ERC2: variants seen among roughly 807,000 people sequenced by gnomAD.
ERC2 encodes ERC protein 2.
A neutral mutation model predicts 114.8 loss-of-function variants in ERC2; 42 were observed. The ratio of observed to expected loss-of-function variants is 0.37; its 90% CI spans 0.29 to 0.47. ERC2 has a LOEUF of 0.47. ERC2 is among the 20% of genes least tolerant of loss of function. The pLI is 0.99. For synonymous variants in ERC2, 454 were observed against 425.5 expected (o/e 1.07, Z -0.82); for missense variants, 939 against 1,150.7 (o/e 0.82, Z 2.66).
intron 12 of ERC2, among the ~76,000 whole-genome samples, chr3:55,962,348 GT>G (rs1436695772): frequency 6.6e-6 from 1 of 152,214 alleles, no homozygotes; most frequent in Non-Finnish European, 1.5e-5. Context: ...TATGGCCTCT[GT>G]CAAAACTACT....
intron 3 of ERC2, among the ~76,000 whole-genome samples, chr3:56,210,981 C>A (rs1257462641): frequency 2.0e-5 from 3 of 152,112 alleles, no homozygotes; most frequent in African/African-American, 7.2e-5. Context: ...AAAGTTGGTT[C>A]TTAGGGGATG....
intron 6 of ERC2, among the ~76,000 whole-genome samples, chr3:56,103,605 T>C (rs1221138499): frequency 6.6e-6 from 1 of 151,992 alleles, no homozygotes; most frequent in East Asian, 1.9e-4. Flanking sequence ...GTGGTCACAA[T>C]AGGGAGGCAG....
chr3:55,991,994 G>A (rs1180844916), intron 11 of ERC2, 63 bp downstream of exon 11: 9 of 1,463,132 alleles, frequency 6.2e-6, no homozygotes, highest in Admixed American at 1.8e-5. Flanking sequence ...CACAACCGGA[G>A]ATGGGCAACC....
intron 17 of ERC2, among the ~76,000 whole-genome samples, chr3:55,683,315 A>G (rs1023800852): frequency 1.3e-5 from 2 of 152,202 alleles, no homozygotes; most frequent in Non-Finnish European, 2.9e-5. Flanking sequence ...TAGAGATGAT[A>G]GTTTCAGCTC....
chr3:55,714,699 A>ATG (rs1559539286), intron 15 of ERC2, among the ~76,000 whole-genome samples: 2 of 117,940 alleles, frequency 1.7e-5, no homozygotes, highest in Admixed American at 9.3e-5. Context: ...ATATATATAT[A>ATG]TATATATATA....
At chr3:55,847,000 G>C (rs137865359) in intron 14 of ERC2, among the ~76,000 whole-genome samples, 1 of 152,310 alleles carries the variant, frequency 6.6e-6, no homozygotes, top group African/African-American at 2.4e-5. Flanking sequence ...CAGAAACCAT[G>C]AAGAAATGAT....
chr3:56,294,363 A>G lies in ERC2; in HGVS notation c.1074+1656T>C, dbSNP rs113409090. Among the ~76,000 whole-genome samples, 502 of 152,368 alleles carry G rather than the reference A, an allele frequency of 3.3e-3. 1 individual carries two copies. The highest frequency in any genetic ancestry group is 0.011 in the African/African-American group (451 of 41,588). On this transcript the variant is annotated intron_variant, in intron 3 of 17. Coordinates refer to ENST00000288221, the MANE Select transcript of ERC2 (RefSeq NM_015576.3). ...TGTTTCACAGTCTCTCACAGCCTGCAATCAAGATGTCATCCCAGGACCTGT... is the reference window on the plus strand; with the variant it reads ...TGTTTCACAGTCTCTCACAGCCTGCGATCAAGATGTCATCCCAGGACCTGT...
intron 2 of ERC2, among the ~76,000 whole-genome samples, chr3:56,360,436 T>C (rs1025188255): frequency 2.6e-5 from 4 of 152,170 alleles, no homozygotes; most frequent in African/African-American, 9.7e-5. Flanking sequence ...AAGGAGCATA[T>C]TGTCTAATGG....
intron 17 of ERC2, among the ~76,000 whole-genome samples, chr3:55,592,824 T>C (rs540922519): frequency 6.6e-6 from 1 of 152,306 alleles, no homozygotes; most frequent in African/African-American, 2.4e-5. Context: ...TGAAAGTATC[T>C]CCCTTCACCT....
chr3:55,950,445 C>T lies in ERC2; in HGVS notation c.2383G>A (p.Asp795Asn), dbSNP rs367929425. The T allele has an allele frequency of 6.2e-7, 1 of 1,613,900 alleles. No homozygotes were observed. Among genetic ancestry groups the T allele is most frequent in the Non-Finnish European group, 8.5e-7 (1 of 1,179,884 alleles). ...EVRRREDSMA[D>N]NSQHLQIEEL... ...CTTACCTGCAAATGCTGTGAGTTGT[C>T]AGCCATGCTGTCTTCTCGCCTGCGC... Residue 795 changes from aspartate (D) to asparagine (N), a missense_variant, in exon 13 of 18, where the codon GAC becomes AAC. By Grantham distance (23) the Asp-to-Asn change is conservative. This residue lies in a region of ERC2 where 328 missense variants were observed against 353.9 expected (regional missense o/e 0.93). Transcript: ENST00000288221.
intron 2 of ERC2, among the ~76,000 whole-genome samples, chr3:56,315,365 A>C (rs1292479555): frequency 6.6e-6 from 1 of 152,230 alleles, no homozygotes; most frequent in Non-Finnish European, 1.5e-5. Flanking sequence ...GAGTAAGTCA[A>C]AGCAAAAACC....
At chr3:56,112,089 C>T (rs577442542) in intron 6 of ERC2, among the ~76,000 whole-genome samples, 6 of 152,208 alleles carry the variant, frequency 3.9e-5, no homozygotes, top group Non-Finnish European at 5.9e-5. Flanking sequence ...AAGGCAAATG[C>T]TTTTTAGATG....
At chr3:56,221,317 A>G (rs2049893818) in intron 3 of ERC2, among the ~76,000 whole-genome samples, 1 of 152,072 alleles carries the variant, frequency 6.6e-6, no homozygotes, top group Non-Finnish European at 1.5e-5. Context: ...ATTGAATTCA[A>G]ACAATGTTAT....
At chr3:55,865,816 T>C (rs1409757608) in intron 14 of ERC2, among the ~76,000 whole-genome samples, 1 of 152,204 alleles carries the variant, frequency 6.6e-6, no homozygotes, top group African/African-American at 2.4e-5. Flanking sequence ...TAATAGTGCA[T>C]TGTATGGATG....
intron 12 of ERC2, among the ~76,000 whole-genome samples, chr3:55,973,301 C>A (rs2069317998): frequency 6.6e-6 from 1 of 152,162 alleles, no homozygotes; most frequent in Non-Finnish European, 1.5e-5. Flanking sequence ...GAGCTACAGG[C>A]CACTTAGAGT....
At chr3:56,298,096 ACAAAGTT>A (rs2150361565) in intron 2 of ERC2, among the ~76,000 whole-genome samples, 1 of 152,350 alleles carries the variant, frequency 6.6e-6, no homozygotes, top group African/African-American at 2.4e-5. Context: ...AGTGTAACAT[ACAAAGTT>A]GTACAACCAT....
Position 55,550,759 on chromosome 3 carries a change from A to G in ERC2, c.*40-39483T>C, listed in dbSNP as rs111981944. Among the ~76,000 whole-genome samples the G allele has an allele frequency of 7.1e-3, 1,087 of 152,204 alleles. 6 individuals carry two copies. The highest frequency in any genetic ancestry group is 0.024 in the East Asian group (125 of 5,146). On this transcript the variant is annotated intron_variant, in intron 17 of 17. Transcript: ENST00000288221. ...GGGCCGGGCGCAGTGGCTCACGCCT[A>G]TAATCCCAGCACTTTGGGAGGCCAA...
intron 14 of ERC2, among the ~76,000 whole-genome samples, chr3:55,866,730 A>G (rs2062334975): frequency 6.6e-6 from 1 of 152,166 alleles, no homozygotes; most frequent in Non-Finnish European, 1.5e-5. Context: ...ATTACCAATA[A>G]TGTCTTCCTT....
Position 56,140,876 on chromosome 3 carries a change from T to C in ERC2, c.1306-1200A>G, listed in dbSNP as rs1457719486. 2.0e-5 allele frequency among the ~76,000 whole-genome samples: 3 copies of C among 151,914 alleles called. 1 individual carries two copies. The highest frequency in any genetic ancestry group is 7.3e-5 in the African/African-American group (3 of 41,354). The stretch of plus-strand genomic sequence containing the variant: ...CCCTCTCCACTAAAAATACAAAAAT[T>C]AGCCAGCTGTGGTGGCAGGCACCTG... On this transcript the variant is annotated intron_variant, in intron 5 of 17. Coordinates refer to ENST00000288221, the MANE Select transcript of ERC2 (RefSeq NM_015576.3).
Sources: allele counts gnomAD v4.1 joint callset (sites outside exome capture counted in the v4.1 genomes callset), GRCh38; gene constraint gnomAD v4.1.1; regional missense constraint gnomAD v4.1.1; transcripts MANE v1.5; gene names NCBI Gene and HGNC (gene_info 2026-07-23, HGNC 2026-07-21).